The following SDK1 variants were observed in gnomAD, a reference collection of about 807,000 sequenced individuals.
SDK1 encodes the protein sidekick cell adhesion molecule 1, also known as protein sidekick-1.
A neutral mutation model predicts 245.5 loss-of-function variants in SDK1; 157 were observed. The ratio of observed to expected loss-of-function variants is 0.64; its 90% confidence interval spans 0.56 to 0.73. SDK1 has a LOEUF of 0.73. Among genes scored for constraint, SDK1 ranks in the 30% least tolerant of loss-of-function variants. SDK1 has a pLI of 0.00. For missense variants in SDK1, 3,583 were observed against 3,002.3 expected (o/e 1.19, Z -4.52); for synonymous variants, 1,647 against 1,278.5 (o/e 1.29, Z -6.15).
chr7:3,379,330 C>G (rs748448783), intron 1 of SDK1, among the ~76,000 whole-genome samples: 2 of 151,948 alleles, frequency 1.3e-5, no homozygotes, highest in Non-Finnish European at 2.9e-5. Flanking sequence ...GAGAAGTTGC[C>G]CTGCGCTGAG....
intron 19 of SDK1, among the ~76,000 whole-genome samples, chr7:4,065,818 A>T (rs1359085920): frequency 6.7e-6 from 1 of 150,184 alleles, no homozygotes; most frequent in East Asian, 2.0e-4. Flanking sequence ...AATTCACCCT[A>T]AAAATCTAAT....
intron 5 of SDK1, among the ~76,000 whole-genome samples, chr7:3,861,256 C>T (rs933829625): frequency 5.3e-4 from 81 of 152,266 alleles, no homozygotes; most frequent in African/African-American, 1.8e-3. Flanking sequence ...GTCAGTGAAG[C>T]GCCGTGCAAA....
chr7:4,159,698 G>C lies in SDK1; in HGVS notation c.4729+1147G>C, dbSNP rs185835024. Among the ~76,000 whole-genome samples, 441 of 152,358 alleles carry C rather than the reference G, an allele frequency of 2.9e-3. 1 individual carries two copies. The highest frequency in any genetic ancestry group is 9.3e-3 in the African/African-American group (387 of 41,580). On this transcript the variant is annotated intron_variant, in intron 31 of 44. Transcript: ENST00000404826. ...CCGGGCTGAGCCCCAGGAGCTCACT[G>C]TCCAAGGGTCCCACATCGTTAGATT... is the stretch of plus-strand genomic sequence containing the variant.
chr7:4,215,442 C>A (rs944997450), intron 38 of SDK1, among the ~76,000 whole-genome samples: 4 of 152,262 alleles, frequency 2.6e-5, no homozygotes, highest in Admixed American at 1.3e-4. Context: ...AAAGCATTTG[C>A]ACGTGGGAGG....
At chr7:3,762,764 C>T (rs145704884) in intron 4 of SDK1, among the ~76,000 whole-genome samples, 47 of 152,310 alleles carry the variant, frequency 3.1e-4, no homozygotes, top group Non-Finnish European at 6.3e-4. Flanking sequence ...GAAGAGACCA[C>T]TGACTTTTAC....
At chr7:4,253,088 G>A (rs1419086068) in intron 44 of SDK1, among the ~76,000 whole-genome samples, 1 of 151,990 alleles carries the variant, frequency 6.6e-6, no homozygotes, top group Non-Finnish European at 1.5e-5. Context: ...CCAACTTGTA[G>A]TTTGATTGAT....
chr7:3,792,972 C>T (rs571514520), intron 4 of SDK1, among the ~76,000 whole-genome samples: 1 of 152,244 alleles, frequency 6.6e-6, no homozygotes, highest in South Asian at 2.1e-4. Context: ...ATAACTCAAG[C>T]CTTTCACATA....
intron 35 of SDK1, among the ~76,000 whole-genome samples, chr7:4,203,532 T>TA (rs1562427273): frequency 1.3e-3 from 166 of 131,616 alleles, no homozygotes; most frequent in African/African-American, 5.1e-3. Flanking sequence ...TATTTTTTTT[T>TA]TAAAAAAAAA....
At chr7:4,113,498 A>G in intron 24 of SDK1, 59 bp downstream of exon 24, 1 of 1,576,670 alleles carries the variant, frequency 6.3e-7, no homozygotes, top group Non-Finnish European at 8.7e-7. Context: ...GCCAGGGCAC[A>G]CACTAATCCA....
rs750556580 is a variant in SDK1, at chr7:3,654,425, G to A, written c.713+12320G>A. On this transcript the variant is annotated intron_variant, in intron 4 of 44. Transcript: ENST00000404826. ...AGAGCCTCACCGTGCAGAGCGAGAGGTGGACTCCGATGCTTGTGAGGATTT... is the reference window on the plus strand; with the variant it reads ...AGAGCCTCACCGTGCAGAGCGAGAGATGGACTCCGATGCTTGTGAGGATTT... Among the ~76,000 whole-genome samples the A allele has an allele frequency of 2.6e-5, 4 of 152,342 alleles. No individual in the cohort carries two copies. The South Asian group carries it at 6.2e-4, about 24-fold the overall frequency.
At chr7:3,589,880 G>A (rs1562585686) in intron 1 of SDK1, among the ~76,000 whole-genome samples, 1 of 152,172 alleles carries the variant, frequency 6.6e-6, no homozygotes, top group Non-Finnish European at 1.5e-5. Flanking sequence ...TACCCAGACT[G>A]TGAGGAATAA....
chr7:4,144,704 G>A (rs1049498301), intron 28 of SDK1, among the ~76,000 whole-genome samples: 2 of 152,240 alleles, frequency 1.3e-5, no homozygotes, highest in South Asian at 4.1e-4. Flanking sequence ...TGAGGGCAGG[G>A]GGCAAGCAGC....
At chr7:4,263,338 T>C (rs1788172001) in intron 44 of SDK1, among the ~76,000 whole-genome samples, 1 of 150,518 alleles carries the variant, frequency 6.6e-6, no homozygotes, top group Non-Finnish European at 1.5e-5. Context: ...GCAGGCAGAG[T>C]CCCCTGGGGC....
chr7:3,401,316 A>C lies in SDK1; in HGVS notation c.298+99432A>C, dbSNP rs559538637. 5.6e-4 allele frequency among the ~76,000 whole-genome samples: 85 copies of C among 152,308 alleles called. 2 individuals are homozygous for C. Among genetic ancestry groups the C allele is most frequent in the Middle Eastern group, 6.8e-3 (2 of 294 alleles). On this transcript the variant is annotated intron_variant, in intron 1 of 44. Transcript: ENST00000404826. ...GGAGGCAGGATCAGAATGGAAAGGT[A>C]ACTGATAACTTGGAAGTTTAAACAA... is the stretch of plus-strand genomic sequence containing the variant.
At chr7:3,835,868 C>G (rs574479100) in intron 5 of SDK1, among the ~76,000 whole-genome samples, 4 of 152,340 alleles carry the variant, frequency 2.6e-5, no homozygotes, top group African/African-American at 9.6e-5. Flanking sequence ...TCCTGAGTTT[C>G]TGCCACTTAC....
chr7:3,781,383 A>G (rs979379756), intron 4 of SDK1, among the ~76,000 whole-genome samples: 3 of 152,152 alleles, frequency 2.0e-5, no homozygotes, highest in African/African-American at 7.2e-5. Flanking sequence ...GCCCAGGATT[A>G]TCACCAGATG....
At chr7:3,350,755 C>G (rs1010640085) in intron 1 of SDK1, among the ~76,000 whole-genome samples, 2 of 152,100 alleles carry the variant, frequency 1.3e-5, no homozygotes, top group African/African-American at 2.4e-5. Context: ...AGATGCTAGG[C>G]TTTGTACTGG....
intron 21 of SDK1, among the ~76,000 whole-genome samples, chr7:4,077,470 A>G (rs1337913858): frequency 1.3e-5 from 2 of 152,200 alleles, no homozygotes; most frequent in African/African-American, 4.8e-5. Flanking sequence ...CCAGTTCCCA[A>G]TGCATATCTA....
intron 5 of SDK1, among the ~76,000 whole-genome samples, chr7:3,910,228 GGCT>G (rs1162529378): frequency 5.3e-5 from 8 of 152,216 alleles, no homozygotes; most frequent in Non-Finnish European, 1.0e-4. Flanking sequence ...CAGAGAGAGA[GGCT>G]GAGCGTTTCA....
Sources: allele counts gnomAD v4.1 joint callset (sites outside exome capture counted in the v4.1 genomes callset), GRCh38; gene constraint gnomAD v4.1.1; transcripts MANE v1.5; gene names NCBI Gene and HGNC (gene_info 2026-07-23, HGNC 2026-07-21).